The following PRKCG variants were observed in gnomAD, a reference collection of about 807,000 sequenced individuals.
The protein encoded by PRKCG is protein kinase C gamma type.
Under a neutral mutation model 82.0 loss-of-function variants are expected in PRKCG, and 28 were observed. That is an observed-to-expected ratio of 0.34 (90% CI 0.25 to 0.47). PRKCG has a LOEUF of 0.47. PRKCG is among the 20% of genes least tolerant of loss of function. The pLI is 1.00. For synonymous variants in PRKCG, 383 were observed against 376.6 expected (o/e 1.02, Z -0.20); for missense variants, 640 against 952.7 (o/e 0.67, Z 4.32).
chr19:53,882,378 GC>G lies in PRKCG; in HGVS notation c.-114del. The G allele has an allele frequency of 1.4e-6, 2 of 1,471,478 alleles. No individual in the cohort carries two copies. Among genetic ancestry groups the G allele is most frequent in the Non-Finnish European group, 1.9e-6 (2 of 1,080,476 alleles). The allele number at this position is 1,471,478 out of a possible 1,614,324, so 91.2% of individuals were successfully genotyped here. ...CCTGGAGGTGCCTTGCCCCTCTCCT[GC>G]CCACCTCGGAATTTCCCTGTGGCTC... On this transcript the variant is annotated 5_prime_UTR_variant, in exon 1 of 18. Transcript: ENST00000263431. The surrounding 1 kb of genome is among the most constrained non-coding windows in gnomAD (Gnocchi z 6.1).
rs1568749861 is a variant in PRKCG at position 53,884,278 on chromosome 19, C to T, written c.285+35C>T. 1.3e-6 allele frequency: 2 copies of T among 1,595,896 alleles called. No individual in the cohort carries two copies. The highest frequency in any genetic ancestry group is 1.7e-6 in the Non-Finnish European group (2 of 1,164,652). ...CGGACACCTGGTTCTCCTCCTCGGG[C>T]CGTGCCCCCGCCCTCACCCCCTCGG... On this transcript the variant is annotated intron_variant, in intron 3 of 17. Coordinates refer to ENST00000263431, the MANE Select transcript of PRKCG (RefSeq NM_002739.5). The surrounding 1 kb of genome is among the most constrained non-coding windows in gnomAD (Gnocchi z 4.6).
intron 16 of PRKCG, 109 bp downstream of exon 16, chr19:53,904,851 A>G: frequency 3.3e-6 from 3 of 904,290 alleles, no homozygotes; most frequent in Admixed American, 2.0e-5. Context: ...CTTTACTTCC[A>G]TCTGTTGGAA....
intron 9 of PRKCG, among the ~76,000 whole-genome samples, chr19:53,895,040 C>T (rs1196338267): frequency 2.0e-5 from 3 of 152,166 alleles, no homozygotes; most frequent in African/African-American, 7.2e-5. Context: ...AATGCTCTCT[C>T]CCTCATTTAC....
chr19:53,905,010 G>C (rs2123026287), intron 16 of PRKCG, among the ~76,000 whole-genome samples: 1 of 152,264 alleles, frequency 6.6e-6, no homozygotes, highest in South Asian at 2.1e-4. Context: ...CAGGGTGTCT[G>C]TCTGTCTAGA....
intron 3 of PRKCG, among the ~76,000 whole-genome samples, chr19:53,886,997 T>A (rs1246899130): frequency 2.0e-5 from 3 of 152,198 alleles, no homozygotes; most frequent in African/African-American, 7.2e-5. Flanking sequence ...AAAATTATTA[T>A]TATGACCAAT....
At chr19:53,905,001 A>G (rs1193858335) in intron 16 of PRKCG, among the ~76,000 whole-genome samples, 1 of 152,160 alleles carries the variant, frequency 6.6e-6, no homozygotes, top group Non-Finnish European at 1.5e-5. Flanking sequence ...CTGAAAGTCC[A>G]GGGTGTCTGT....
At chr19:53,891,910 G>A (rs953304868) in intron 6 of PRKCG, 80 bp downstream of exon 6, 3 of 1,583,462 alleles carry the variant, frequency 1.9e-6, no homozygotes, top group Non-Finnish European at 2.6e-6. Context: ...GAGAGCAGCT[G>A]ATGGGAGGGG....
Position 53,906,989 on chromosome 19 carries a change from T to C in PRKCG, c.*94T>C. On this transcript the variant is annotated 3_prime_UTR_variant, in exon 18 of 18. Coordinates refer to ENST00000263431, the MANE Select transcript of PRKCG (RefSeq NM_002739.5). ...CCAACTTCACCACCCCCTGTCCCAT[T>C]CTAGATCCTGCACCCCAGCATTCCA... 1 of 1,576,084 alleles carries C rather than the reference T, an allele frequency of 6.3e-7. No homozygotes were observed. Among genetic ancestry groups the C allele is most frequent in the Non-Finnish European group, 8.6e-7 (1 of 1,163,860 alleles).
rs368159816 is a variant in PRKCG, at chr19:53,900,379, C to T, written c.1374-40C>T. 4.3e-6 allele frequency: 7 copies of T among 1,613,860 alleles called. No individual in the cohort carries two copies. Among genetic ancestry groups the T allele is most frequent in the Admixed American group, 1.7e-5 (1 of 59,992 alleles). On this transcript the variant is annotated intron_variant, in intron 12 of 17. Transcript: ENST00000263431. The surrounding 1 kb of genome is among the most constrained non-coding windows in gnomAD (Gnocchi z 4.2). ...GGTGGTGGAAGGGGGCAGGATCCAG[C>T]CACTGACCTTCTGACGTCCCCACCC...
intron 5 of PRKCG, among the ~76,000 whole-genome samples, chr19:53,891,350 C>T (rs2068674283): frequency 1.3e-5 from 2 of 150,978 alleles, no homozygotes; most frequent in South Asian, 2.1e-4. Context: ...AATCTCGGCT[C>T]ACTGCAAGCT....
Position 53,902,890 on chromosome 19 carries a change from C to CAAAAAAAAA in PRKCG, c.1576-165_1576-157dup, listed in dbSNP as rs56955659. Among the ~76,000 whole-genome samples the CAAAAAAAAA allele has an allele frequency of 1.1e-3, 21 of 19,976 alleles. No individual in the cohort carries two copies. Among genetic ancestry groups the CAAAAAAAAA allele is most frequent in the African/African-American group, 2.5e-3 (18 of 7,260 alleles). The allele number at this position is 19,976 out of a possible 152,430, so 13.1% of individuals were successfully genotyped here. On this transcript the variant is annotated intron_variant, in intron 14 of 17. Transcript: ENST00000263431. ...CCTGGGCAACAGAGTGAGACCCTGT[C>CAAAAAAAAA]AAAAAAAAAAAAAAAAAAAAAAAAA... is the stretch of plus-strand genomic sequence containing the variant.
rs551384100 is a variant in PRKCG at position 53,885,520 on chromosome 19, G to A, written c.285+1277G>A. On this transcript the variant is annotated intron_variant, in intron 3 of 17. Coordinates refer to ENST00000263431, the MANE Select transcript of PRKCG (RefSeq NM_002739.5). ...GTTGGGATTACAGGCGTGAGCCACC[G>A]CGCCCGGCAGAACTGACTTAAATTT... 9.3e-4 allele frequency among the ~76,000 whole-genome samples: 141 copies of A among 152,236 alleles called. 1 individual carries two copies. The highest frequency in any genetic ancestry group is 3.2e-3 in the African/African-American group (134 of 41,536).
Position 53,906,962 on chromosome 19 carries a change from C to A in PRKCG, c.*67C>A. The A allele has an allele frequency of 6.2e-7, 1 of 1,606,538 alleles. No homozygotes were observed. On this transcript the variant is annotated 3_prime_UTR_variant, in exon 18 of 18. Coordinates refer to ENST00000263431, the MANE Select transcript of PRKCG (RefSeq NM_002739.5). ...CGTGCCGGCGGCAGCCCCACTTCAC[C>A]CCCAACTTCACCACCCCCTGTCCCA...
At position 53,900,578 on chromosome 19, in the gene PRKCG, G is replaced by A. The variant is rs1568760375; in HGVS notation, c.1437-33G>A. ...TAGACTGCTGAACTCAACACTTCTTGCAATTCCTGCCCCACACCCCTGCAT... is the reference window on the plus strand; with the variant it reads ...TAGACTGCTGAACTCAACACTTCTTACAATTCCTGCCCCACACCCCTGCAT... On this transcript the variant is annotated intron_variant, in intron 13 of 17. Transcript: ENST00000263431. This position sits in a 1 kb window ranked among gnomAD's most constrained non-coding sequence, Gnocchi z 4.2. The A allele has an allele frequency of 1.2e-6, 2 of 1,614,202 alleles. No individual in the cohort carries two copies. Among genetic ancestry groups the A allele is most frequent in the Admixed American group, 1.7e-5 (1 of 60,012 alleles).
At chr19:53,898,256 G>A in intron 10 of PRKCG, 145 bp downstream of exon 10, 1 of 1,403,790 alleles carries the variant, frequency 7.1e-7, no homozygotes, top group Non-Finnish European at 9.9e-7. Context: ...GGTTCCTGGA[G>A]AGGAGAGGTT....
At chr19:53,894,300 G>T (rs903476253) in intron 9 of PRKCG, among the ~76,000 whole-genome samples, 2 of 150,988 alleles carry the variant, frequency 1.3e-5, no homozygotes, top group Non-Finnish European at 3.0e-5. Flanking sequence ...CTCCTGACCT[G>T]GTGATCCACC....
rs1229892295 is a variant in PRKCG at position 53,906,331 on chromosome 19, C to T, written c.1779C>T (p.His593=). The T allele has an allele frequency of 1.3e-6, 2 of 1,551,422 alleles. No homozygotes were observed. Among genetic ancestry groups the T allele is most frequent in the Non-Finnish European group, 1.7e-6 (2 of 1,147,018 alleles). The change falls in exon 17 of 18, where the codon CAC becomes CAT. Residue 593 remains histidine (H), a synonymous_variant. Transcript: ENST00000263431. ...GTTTCCCACAGTTCCTGACCAAGCA[C>T]CCAGGGAAGCGCCTGGGCTCAGGGC... ...VAICKGFLTK[H]PGKRLGSGPD...
intron 3 of PRKCG, among the ~76,000 whole-genome samples, chr19:53,888,394 G>A (rs1166535951): frequency 2.0e-5 from 3 of 152,124 alleles, no homozygotes; most frequent in African/African-American, 7.2e-5. Flanking sequence ...GGGTGGCAGG[G>A]GAGAAGGAGA....
chr19:53,898,358 C>G, intron 10 of PRKCG, 82 bp from the exon 11 acceptor site: 1 of 1,556,030 alleles, frequency 6.4e-7, no homozygotes, highest in East Asian at 2.2e-5. Flanking sequence ...GATCCCGTTT[C>G]CCTGCGTCCC....
Sources: allele counts gnomAD v4.1 joint callset (sites outside exome capture counted in the v4.1 genomes callset), GRCh38; gene constraint gnomAD v4.1.1; non-coding constraint Gnocchi (gnomAD v3.1); transcripts MANE v1.5; gene names NCBI Gene and HGNC (gene_info 2026-07-23, HGNC 2026-07-21).